The following HIRA variants were observed in gnomAD, a reference collection of about 807,000 sequenced individuals.
The protein encoded by HIRA is histone cell cycle regulator.
A neutral mutation model predicts 126.6 loss-of-function variants in HIRA; 13 were observed. The observed-to-expected ratio is 0.10, with a 90% confidence interval of 0.07 to 0.16. The LOEUF (loss-of-function observed/expected upper bound fraction) is 0.16. Ranked by LOEUF, HIRA falls within the 10% of genes least tolerant of loss-of-function variation. The probability of loss-of-function intolerance (pLI) is 1.00; values close to 1 mark genes in which losing one functional copy is unlikely to be tolerated. For missense variants in HIRA, 834 were observed against 1,314.4 expected (o/e 0.63, Z 5.65); for synonymous variants, 511 against 520.0 (o/e 0.98, Z 0.24).
intron 22 of HIRA, 85 bp from the exon 23 acceptor site, chr22:19,353,604 G>C: frequency 1.4e-6 from 2 of 1,382,470 alleles, no homozygotes; most frequent in Non-Finnish European, 1.9e-6. Flanking sequence ...CAGGCAAGGA[G>C]CTGGCAGGAG....
At chr22:19,369,662 G>A (rs1183795322) in intron 15 of HIRA, among the ~76,000 whole-genome samples, 2 of 152,024 alleles carry the variant, frequency 1.3e-5, no homozygotes, top group East Asian at 1.9e-4. Context: ...GGCCAGGTGC[G>A]GTGGCTCACA....
intron 15 of HIRA, among the ~76,000 whole-genome samples, chr22:19,371,102 G>C (rs188988433): frequency 6.6e-6 from 1 of 152,298 alleles, no homozygotes; most frequent in East Asian, 1.9e-4. Context: ...ACTGTCTGTG[G>C]CACACTGTAG....
chr22:19,367,344 T>C (rs1448525904), intron 15 of HIRA, among the ~76,000 whole-genome samples: 1 of 150,014 alleles, frequency 6.7e-6, no homozygotes, highest in Non-Finnish European at 1.5e-5. Context: ...TTGCATATAA[T>C]GTAGGCACAG....
intron 2 of HIRA, among the ~76,000 whole-genome samples, chr22:19,409,052 G>T (rs1008033151): frequency 6.6e-6 from 1 of 152,178 alleles, no homozygotes; most frequent in Non-Finnish European, 1.5e-5. Flanking sequence ...CCCTAGTGGG[G>T]TTTCCCTCCC....
At chr22:19,369,674 C>T (rs1447162447) in intron 15 of HIRA, among the ~76,000 whole-genome samples, 1 of 152,134 alleles carries the variant, frequency 6.6e-6, no homozygotes, top group East Asian at 1.9e-4. Flanking sequence ...TGGCTCACAC[C>T]TGTAATCCCA....
intron 5 of HIRA, among the ~76,000 whole-genome samples, chr22:19,398,680 A>G (rs2089243149): frequency 6.6e-6 from 1 of 152,234 alleles, no homozygotes; most frequent in Non-Finnish European, 1.5e-5. Context: ...AGTGCAGATT[A>G]AAAAACAAAA....
chr22:19,372,951 C>T (rs1290475839), intron 15 of HIRA, among the ~76,000 whole-genome samples: 4 of 152,182 alleles, frequency 2.6e-5, no homozygotes, highest in African/African-American at 9.7e-5. Flanking sequence ...ACTGGGCCTT[C>T]TGTCTCGGGC....
chr22:19,406,512 C>T (rs1183676135), intron 4 of HIRA, among the ~76,000 whole-genome samples: 2 of 152,216 alleles, frequency 1.3e-5, no homozygotes, highest in African/African-American at 4.8e-5. Flanking sequence ...TGCTGACACA[C>T]CGATGATCAG....
At position 19,334,130 on chromosome 22, in the gene HIRA, A is replaced by G. The variant is rs571137633; in HGVS notation, c.2938-2574T>C. Among the ~76,000 whole-genome samples, 135 of 151,812 alleles carry G rather than the reference A, an allele frequency of 8.9e-4. 1 individual carries two copies. Among genetic ancestry groups the G allele is most frequent in the South Asian group, 2.3e-3 (11 of 4,802 alleles). ...GCTGGGACTACAGGCGCCGGCCAGC[A>G]CGCCTGGCTAATTTTTTTGTATTTT... is the stretch of plus-strand genomic sequence containing the variant. On this transcript the variant is annotated intron_variant, in intron 24 of 24. Transcript: ENST00000263208.
At chr22:19,402,510 G>T (rs536223622) in intron 5 of HIRA, among the ~76,000 whole-genome samples, 1 of 152,104 alleles carries the variant, frequency 6.6e-6, no homozygotes, top group Non-Finnish European at 1.5e-5. Flanking sequence ...ATTTAAAATT[G>T]TTCTGTTATG....
intron 1 of HIRA, among the ~76,000 whole-genome samples, chr22:19,416,092 C>G (rs2089394879): frequency 6.6e-6 from 1 of 152,090 alleles, no homozygotes; most frequent in Admixed American, 6.5e-5. Flanking sequence ...TGTATATGAT[C>G]AAATGATTTT....
chr22:19,333,681 TTCTC>T (rs1244283450), intron 24 of HIRA, among the ~76,000 whole-genome samples: 3 of 152,180 alleles, frequency 2.0e-5, no homozygotes, highest in African/African-American at 4.8e-5. Flanking sequence ...CTCTACTCCT[TTCTC>T]TCTCTTACAC....
intron 7 of HIRA, among the ~76,000 whole-genome samples, chr22:19,394,993 C>G (rs1020834598): frequency 1.3e-5 from 2 of 152,220 alleles, no homozygotes; most frequent in Non-Finnish European, 2.9e-5. Flanking sequence ...GAGGCACCAC[C>G]TACTCTCTTG....
intron 2 of HIRA, among the ~76,000 whole-genome samples, chr22:19,410,321 T>C (rs1440781205): frequency 1.3e-5 from 2 of 152,198 alleles, no homozygotes; most frequent in African/African-American, 4.8e-5. Context: ...AACTACACGA[T>C]TGCTTTAGAA....
At chr22:19,401,081 G>A (rs563748418) in intron 5 of HIRA, among the ~76,000 whole-genome samples, 2 of 151,698 alleles carry the variant, frequency 1.3e-5, no homozygotes, top group East Asian at 1.9e-4. Flanking sequence ...CTTCCTACAC[G>A]CCTGACAAAG....
intron 24 of HIRA, among the ~76,000 whole-genome samples, chr22:19,334,987 T>A (rs1210695): frequency 6.6e-6 from 1 of 151,934 alleles, no homozygotes; most frequent in Non-Finnish European, 1.5e-5. Context: ...GGGATTTGTA[T>A]GTGTATGTGC....
In HIRA at chr22:19,352,730, G is replaced by T. The variant is rs529582574; in HGVS notation, c.2848+626C>A. Among the ~76,000 whole-genome samples the T allele has an allele frequency of 4.6e-4, 70 of 152,316 alleles. 1 individual carries two copies. The highest frequency in any genetic ancestry group is 8.2e-4 in the Non-Finnish European group (56 of 68,026). On this transcript the variant is annotated intron_variant, in intron 23 of 24. Transcript: ENST00000263208. The stretch of plus-strand genomic sequence containing the variant: ...GGTGATGACAAAAATAAAGCAAAAA[G>T]CCCAGGAAGCTGCACAGAGAGAGCT...
At chr22:19,344,398 T>C (rs1479674886) in intron 24 of HIRA, among the ~76,000 whole-genome samples, 2 of 152,018 alleles carry the variant, frequency 1.3e-5, no homozygotes, top group Non-Finnish European at 2.9e-5. Context: ...TGAACAACTA[T>C]ATGACAATAA....
intron 24 of HIRA, among the ~76,000 whole-genome samples, chr22:19,338,301 G>A (rs2088589279): frequency 6.6e-6 from 1 of 151,238 alleles, no homozygotes; most frequent in African/African-American, 2.4e-5. Context: ...AGCACTACAA[G>A]AAATGCTAAA....
Sources: allele counts gnomAD v4.1 joint callset (sites outside exome capture counted in the v4.1 genomes callset), GRCh38; gene constraint gnomAD v4.1.1; transcripts MANE v1.5; gene names NCBI Gene and HGNC (gene_info 2026-07-23, HGNC 2026-07-21).